AFF3: variants seen among roughly 807,000 people sequenced by gnomAD.
The protein encoded by AFF3 is ALF transcription elongation factor 3.
AFF3 carries 32 observed loss-of-function variants against 129.7 expected under a neutral mutation model. The ratio of observed to expected loss-of-function variants is 0.25; its 90% CI spans 0.19 to 0.33. AFF3 has a LOEUF of 0.33. AFF3 is among the 10% of genes least tolerant of loss of function. The pLI, the probability that AFF3 is intolerant of heterozygous loss-of-function variation, is 1.00. For missense variants in AFF3, 1,373 were observed against 1,592.0 expected (o/e 0.86, Z 2.34); for synonymous variants, 644 against 635.4 (o/e 1.01, Z -0.20).
At position 99,690,691 on chromosome 2, in the gene AFF3, C is replaced by T. The variant is rs186881741; in HGVS notation, c.1092-18102G>A. On this transcript the variant is annotated intron_variant, in intron 11 of 24. Coordinates refer to ENST00000672756, the MANE Select transcript of AFF3 (RefSeq NM_001386135.1). ...ATGTACTCCTGTTAGAATCCATGTA[C>T]GACTTTTTAGCCAGAGCTTCTCCCA... is the stretch of plus-strand genomic sequence containing the variant. Among the ~76,000 whole-genome samples the T allele has an allele frequency of 6.3e-3, 957 of 151,942 alleles. 7 individuals carry two copies. The highest frequency in any genetic ancestry group is 0.01 in the Non-Finnish European group (711 of 67,992).
intron 4 of AFF3, among the ~76,000 whole-genome samples, chr2:100,051,573 C>T (rs1027346429): frequency 1.3e-5 from 2 of 152,152 alleles, no homozygotes; most frequent in African/African-American, 4.8e-5. Context: ...GTCCCCTTTC[C>T]CAAGCTGTAA....
intron 10 of AFF3, among the ~76,000 whole-genome samples, chr2:99,735,533 T>C (rs568819161): frequency 1.3e-5 from 2 of 152,266 alleles, no homozygotes; most frequent in South Asian, 4.1e-4. Context: ...CACTCTGTCA[T>C]CCAGGCTGGA....
At chr2:99,810,349 C>G (rs894230226) in intron 8 of AFF3, among the ~76,000 whole-genome samples, 4 of 152,218 alleles carry the variant, frequency 2.6e-5, no homozygotes, top group African/African-American at 9.7e-5. Context: ...CTCACCACAC[C>G]TGTTCCCCCA....
At chr2:99,599,909 A>G (rs992173757) in intron 14 of AFF3, among the ~76,000 whole-genome samples, 2 of 152,214 alleles carry the variant, frequency 1.3e-5, no homozygotes, top group Non-Finnish European at 2.9e-5. Context: ...CTATGAAGAT[A>G]GGGACATTTT....
intron 4 of AFF3, among the ~76,000 whole-genome samples, chr2:100,023,499 A>G (rs1683766303): frequency 6.6e-6 from 1 of 152,208 alleles, no homozygotes; most frequent in South Asian, 2.1e-4. Flanking sequence ...ACAAGAAGCA[A>G]ATGATTCCAG....
At chr2:100,114,346 G>A (rs1259615317) in intron 2 of AFF3, among the ~76,000 whole-genome samples, 1 of 152,214 alleles carries the variant, frequency 6.6e-6, no homozygotes, top group Non-Finnish European at 1.5e-5. Context: ...GTACGGCCCT[G>A]TGTGACTGCA....
In AFF3 at chr2:99,752,392, T is replaced by C. The variant is rs1681729726; in HGVS notation, c.922-91A>G. 4 of 1,051,648 alleles carry C rather than the reference T, an allele frequency of 3.8e-6. No individual in the cohort carries two copies. The African/African-American group carries it at 4.7e-5, about 12-fold the overall frequency. The allele number at this position is 1,051,648 out of a possible 1,614,324, so 65.1% of individuals were successfully genotyped here. ...AAGCAGCTGTACAAGTGGGCCTTCA[T>C]AAGGCAGGGAAGGGTTAAAAAATGT... On this transcript the variant is annotated intron_variant, in intron 8 of 24. Transcript: ENST00000672756.
intron 8 of AFF3, among the ~76,000 whole-genome samples, chr2:99,807,471 G>C (rs1204096572): frequency 3.9e-5 from 6 of 152,112 alleles, no homozygotes; most frequent in African/African-American, 1.4e-4. Flanking sequence ...ATCTCAGCTG[G>C]TGGAAAGGTC....
At chr2:99,683,801 T>C (rs1674767820) in intron 11 of AFF3, among the ~76,000 whole-genome samples, 1 of 152,184 alleles carries the variant, frequency 6.6e-6, no homozygotes, top group Non-Finnish European at 1.5e-5. Context: ...GCCAGAGATA[T>C]AAAACTGAAG....
At position 99,562,059 on chromosome 2, in the gene AFF3, T is replaced by G. The variant is rs571247551; in HGVS notation, c.3120-1623A>C. Among the ~76,000 whole-genome samples, 4 of 152,380 alleles carry G rather than the reference T, an allele frequency of 2.6e-5. No homozygotes were observed. In the East Asian group the frequency reaches 7.7e-4, roughly 29 times the overall value. ...ATTCGAATTGATTCTCCCCTGCAGA[T>G]AATTATCGTTTCTCCCTGGCTGCTT... On this transcript the variant is annotated intron_variant, in intron 20 of 24. Transcript: ENST00000672756.
rs556866685 is a variant in AFF3, at chr2:100,121,520, C to T, written c.-145+7704G>A. On this transcript the variant is annotated intron_variant, in intron 2 of 24. Coordinates refer to ENST00000672756, the MANE Select transcript of AFF3 (RefSeq NM_001386135.1). ...CTGCCAGGCAGTAATACCTGGCACA[C>T]GAAGTGCTCAATGAATGCTTGCTAG... Among the ~76,000 whole-genome samples, 18 of 152,314 alleles carry T rather than the reference C, an allele frequency of 1.2e-4. No individual in the cohort carries two copies. The Middle Eastern group carries it at 0.01, about 86-fold the overall frequency.
At chr2:99,747,091 C>T (rs561835673) in intron 9 of AFF3, among the ~76,000 whole-genome samples, 6 of 152,280 alleles carry the variant, frequency 3.9e-5, no homozygotes, top group South Asian at 4.1e-4. Context: ...TGCAACGGCA[C>T]GATCTCAGCT....
chr2:99,960,389 T>TA lies in AFF3; in HGVS notation c.873+46242dup, dbSNP rs1432025515. Among the ~76,000 whole-genome samples, 163 of 146,458 alleles carry TA rather than the reference T, an allele frequency of 1.1e-3. 1 individual carries two copies. The highest frequency in any genetic ancestry group is 2.5e-3 in the Admixed American group (37 of 14,660). On this transcript the variant is annotated intron_variant, in intron 7 of 24. Coordinates refer to ENST00000672756, the MANE Select transcript of AFF3 (RefSeq NM_001386135.1). ...AATAACGTCACACATTCTTAACTGT[T>TA]AAAAAAAAAAAGTACCGTAGTCATT...
At chr2:99,752,355 C>G in intron 8 of AFF3, 54 bp from the exon 9 acceptor site, 3 of 1,488,002 alleles carry the variant, frequency 2.0e-6, no homozygotes, top group Non-Finnish European at 2.8e-6. Context: ...TATTTAAAAT[C>G]AGCGGTATGT....
intron 3 of AFF3, 105 bp downstream of exon 3, chr2:100,105,399 C>G: frequency 1.5e-6 from 2 of 1,296,606 alleles, no homozygotes; most frequent in Non-Finnish European, 2.0e-6. Flanking sequence ...GAAACCTCTT[C>G]CACCCGGACC....
At chr2:99,639,629 G>T (rs895645925) in intron 13 of AFF3, among the ~76,000 whole-genome samples, 1 of 151,988 alleles carries the variant, frequency 6.6e-6, no homozygotes, top group African/African-American at 2.4e-5. Context: ...TTGGAGATTA[G>T]CTGGAAAGGT....
chr2:99,754,092 G>C (rs1276159458), intron 8 of AFF3, among the ~76,000 whole-genome samples: 1 of 152,166 alleles, frequency 6.6e-6, no homozygotes, highest in Non-Finnish European at 1.5e-5. Flanking sequence ...ACACAAGTGG[G>C]TTTTCCATAC....
At position 99,781,065 on chromosome 2, in the gene AFF3, T is replaced by C. The variant is rs544264320; in HGVS notation, c.922-28764A>G. Among the ~76,000 whole-genome samples the C allele has an allele frequency of 2.0e-5, 3 of 152,304 alleles. No homozygotes were observed. The South Asian group carries it at 6.2e-4, about 32-fold the overall frequency. ...ATCTGGCCCTGGTTCCCTCCATGAC[T>C]CAGTACTCATCATTCTCCCCTTACT... On this transcript the variant is annotated intron_variant, in intron 8 of 24. Transcript: ENST00000672756.
At chr2:99,721,198 CTT>C (rs1369430402) in intron 11 of AFF3, among the ~76,000 whole-genome samples, 7 of 152,106 alleles carry the variant, frequency 4.6e-5, no homozygotes, top group African/African-American at 1.7e-4. Context: ...CCCAACATGT[CTT>C]TATTTTACTG....
Sources: allele counts gnomAD v4.1 joint callset (sites outside exome capture counted in the v4.1 genomes callset), GRCh38; gene constraint gnomAD v4.1.1; transcripts MANE v1.5; gene names NCBI Gene and HGNC (gene_info 2026-07-23, HGNC 2026-07-21).